DLG4: variants seen among roughly 807,000 people sequenced by gnomAD.
The protein encoded by DLG4 is discs large MAGUK scaffold protein 4, also known as disks large homolog 4.
In DLG4, 7 loss-of-function variants were observed where a neutral mutation model predicts 93.8. That is an observed-to-expected ratio of 0.07 (90% CI 0.04 to 0.14). The LOEUF (loss-of-function observed/expected upper bound fraction) is 0.14. Ranked by LOEUF, DLG4 falls within the 10% of genes least tolerant of loss-of-function variation. DLG4 has a pLI of 1.00. For missense variants in DLG4, 545 were observed against 992.9 expected (o/e 0.55, Z 6.06); for synonymous variants, 341 against 387.6 (o/e 0.88, Z 1.41).
upstream of DLG4, chr17:7,218,781 C>T (rs535530829): frequency 7.3e-5 from 117 of 1,610,688 alleles, no homozygotes; most frequent in Non-Finnish European, 8.9e-5. Context: ...GAGCCCCAGC[C>T]CCCCACTTCG....
At chr17:7,198,889 G>C (rs1006759440) in intron 8 of DLG4, among the ~76,000 whole-genome samples, 4 of 147,026 alleles carry the variant, frequency 2.7e-5, no homozygotes, top group Non-Finnish European at 4.5e-5. Flanking sequence ...GATGGCACTC[G>C]CCTGTAATCC....
In DLG4 at chr17:7,191,073, G is replaced by A. The variant is rs1249126040; in HGVS notation, c.2068+194C>T. Among the ~76,000 whole-genome samples the A allele has an allele frequency of 6.0e-5, 9 of 149,078 alleles. No individual in the cohort carries two copies. The East Asian group carries it at 1.0e-3, about 17-fold the overall frequency. ...CAACCTCTGCCTCCCAGGTTCAAGC[G>A]ATTCTCCTGCCTCGGCCTACCGAGT... On this transcript the variant is annotated intron_variant, in intron 19 of 19. Coordinates refer to ENST00000399506, the MANE Select transcript of DLG4 (RefSeq NM_001321075.3). The surrounding 1 kb of genome is among the most constrained non-coding windows in gnomAD (Gnocchi z 6.6).
rs2070956910 is a variant in DLG4, at chr17:7,217,168, C to T, written c.-21G>A. ...TCCATGTTGGGGGGCCTGGCCGCGGCGGCGGGTAAGGGGCTCTGACTTCAT... is the reference window on the plus strand; with the variant it reads ...TCCATGTTGGGGGGCCTGGCCGCGGTGGCGGGTAAGGGGCTCTGACTTCAT... On this transcript the variant is annotated 5_prime_UTR_variant, in exon 1 of 20. Coordinates refer to ENST00000399506, the MANE Select transcript of DLG4 (RefSeq NM_001321075.3). 10 of 1,285,412 alleles carry T rather than the reference C, an allele frequency of 7.8e-6. No homozygotes were observed. Among genetic ancestry groups the T allele is most frequent in the Admixed American group, 4.1e-5 (1 of 24,528 alleles). The allele number at this position is 1,285,412 out of a possible 1,614,324, so 79.6% of individuals were successfully genotyped here.
chr17:7,202,519 G>A (rs902148434), intron 8 of DLG4, among the ~76,000 whole-genome samples: 6 of 152,162 alleles, frequency 3.9e-5, no homozygotes, highest in Non-Finnish European at 8.8e-5. Context: ...CTATTCAGAA[G>A]CAAAACGGGT....
Position 7,204,081 on chromosome 17 carries a change from A to G in DLG4, c.151-14T>C. 6.2e-7 allele frequency: 1 copy of G among 1,606,856 alleles called. No homozygotes were observed. The highest frequency in any genetic ancestry group is 8.5e-7 in the Non-Finnish European group (1 of 1,176,700). On this transcript the variant is annotated splice_polypyrimidine_tract_variant and intron_variant, in intron 3 of 19. Transcript: ENST00000399506. The stretch of plus-strand genomic sequence containing the variant: ...CACCTGCAACTCCAGCACGGGACAG[A>G]AACACAAAAGCAGTGAGACAGACAT...
chr17:7,219,118 A>C, upstream of DLG4: 1 of 542,196 alleles, frequency 1.8e-6, no homozygotes, highest in Non-Finnish European at 3.3e-6. Flanking sequence ...GCTCAAAAAG[A>C]AGCTGAGCCC....
intron 3 of DLG4, 58 bp downstream of exon 3, chr17:7,204,141 T>C (rs200738074): frequency 4.3e-4 from 689 of 1,600,834 alleles, no homozygotes; most frequent in Middle Eastern, 2.2e-3. Flanking sequence ...TCTGCTGCCC[T>C]CCCTTACTCC....
intron 1 of DLG4, among the ~76,000 whole-genome samples, chr17:7,213,533 G>A (rs912955255): frequency 6.6e-6 from 1 of 151,830 alleles, no homozygotes; most frequent in African/African-American, 2.4e-5. Flanking sequence ...CCACACTCAG[G>A]CCTCAAAAAA....
At position 7,191,705 on chromosome 17, in the gene DLG4, T is replaced by C. The variant is rs966321641; in HGVS notation, c.1976+188A>G. On this transcript the variant is annotated intron_variant, in intron 18 of 19. Transcript: ENST00000399506. This position sits in a 1 kb window ranked among gnomAD's most constrained non-coding sequence, Gnocchi z 6.6. Reference sequence around the variant, plus strand: ...GGCTGCTGGGAAATGTAGTCCTGTCTAGCCAAGGCAGGAGAGGAGGGGAAA... The same window carrying C: ...GGCTGCTGGGAAATGTAGTCCTGTCCAGCCAAGGCAGGAGAGGAGGGGAAA... The C allele has an allele frequency of 1.1e-5, 6 of 569,832 alleles. No homozygotes were observed. The highest frequency in any genetic ancestry group is 1.9e-5 in the Non-Finnish European group (6 of 315,506). 35.3% of individuals were successfully genotyped at this position (569,832 alleles called of 1,614,324 possible). A position where few individuals can be genotyped will look rare whatever the true frequency, so the allele number is the denominator to read the frequency against.
chr17:7,199,806 A>G (rs1465497665), intron 8 of DLG4, among the ~76,000 whole-genome samples: 1 of 151,712 alleles, frequency 6.6e-6, no homozygotes, highest in Non-Finnish European at 1.5e-5. Flanking sequence ...GTGAAACCCC[A>G]TCTCTACTAA....
At position 7,195,142 on chromosome 17, in the gene DLG4, G is replaced by A. The variant is rs1036233653; in HGVS notation, c.1302-647C>T. Among the ~76,000 whole-genome samples the A allele has an allele frequency of 2.6e-4, 39 of 152,140 alleles. No homozygotes were observed. The highest frequency in any genetic ancestry group is 7.9e-4 in the Admixed American group (12 of 15,276). On this transcript the variant is annotated intron_variant, in intron 11 of 19. Coordinates refer to ENST00000399506, the MANE Select transcript of DLG4 (RefSeq NM_001321075.3). This position sits in a 1 kb window ranked among gnomAD's most constrained non-coding sequence, Gnocchi z 4.3. ...ATTCATAAGAAAAAGAAAATGTCCCGTGTTTCCAAATAATGGTTACCCTTA... is the reference window on the plus strand; with the variant it reads ...ATTCATAAGAAAAAGAAAATGTCCCATGTTTCCAAATAATGGTTACCCTTA...
intron 19 of DLG4, 146 bp from the exon 20 acceptor site, chr17:7,190,960 C>T: frequency 1.8e-6 from 1 of 567,782 alleles, no homozygotes; most frequent in Non-Finnish European, 3.0e-6. Context: ...CACAGGGGCA[C>T]CTCTTTTTTT....
Position 7,204,171 on chromosome 17 carries a change from C to A in DLG4, c.150+28G>T, listed in dbSNP as rs766832166. 43 of 1,605,104 alleles carry A rather than the reference C, an allele frequency of 2.7e-5. 1 individual carries two copies. In the South Asian group the frequency reaches 4.2e-4, roughly 16 times the overall value. On this transcript the variant is annotated intron_variant, in intron 3 of 19. Coordinates refer to ENST00000399506, the MANE Select transcript of DLG4 (RefSeq NM_001321075.3). ...TACTCCCTCCTTCCTTCTGCAATGGCCCCAGCCCCAAAATCTAAACAACTC... is the reference window on the plus strand; with the variant it reads ...TACTCCCTCCTTCCTTCTGCAATGGACCCAGCCCCAAAATCTAAACAACTC...
intron 8 of DLG4, chr17:7,202,643 T>C (rs1209017923): frequency 1.9e-6 from 1 of 535,446 alleles, no homozygotes; most frequent in Admixed American, 3.4e-5. Flanking sequence ...GAATTATCTA[T>C]TCCTTGAGAA....
At chr17:7,215,404 C>T (rs1443751031) in intron 1 of DLG4, among the ~76,000 whole-genome samples, 1 of 152,238 alleles carries the variant, frequency 6.6e-6, no homozygotes, top group East Asian at 1.9e-4. Flanking sequence ...CCCTCGCTCC[C>T]ATTTGTGTGT....
At position 7,189,416 on chromosome 17, in the gene DLG4, G is replaced by A. The variant is rs1042413989; in HGVS notation, c.*1292C>T. Reference sequence around the variant, plus strand: ...AGGCAGGAGAATCACTTGAACCAGGGTGGCAGAGATCACAGTGAGCCGAGA... The same window carrying A: ...AGGCAGGAGAATCACTTGAACCAGGATGGCAGAGATCACAGTGAGCCGAGA... On this transcript the variant is annotated 3_prime_UTR_variant, in exon 20 of 20. Transcript: ENST00000399506. Among the ~76,000 whole-genome samples the A allele has an allele frequency of 4.0e-5, 6 of 151,076 alleles. No homozygotes were observed. The highest frequency in any genetic ancestry group is 5.9e-5 in the Non-Finnish European group (4 of 67,842).
chr17:7,218,986 C>T (rs2071063593), upstream of DLG4: 2 of 883,192 alleles, frequency 2.3e-6, no homozygotes, highest in East Asian at 2.6e-5. Context: ...GGTCCCAAGG[C>T]ACCAGCACCG....
In DLG4 at chr17:7,196,697, A is replaced by T; in HGVS notation, c.1083+60T>A. On this transcript the variant is annotated intron_variant, in intron 9 of 19. Transcript: ENST00000399506. The surrounding 1 kb of genome is among the most constrained non-coding windows in gnomAD (Gnocchi z 8.3). ...CAGCCCATCCAGGCCCCTCCCCAAG[A>T]GCTCTGCGCTCTGCCCTGTGGGGAG... 1 of 1,578,618 alleles carries T rather than the reference A, an allele frequency of 6.3e-7. No individual in the cohort carries two copies.
At chr17:7,210,225 A>G (rs1205126001) in intron 1 of DLG4, among the ~76,000 whole-genome samples, 1 of 152,230 alleles carries the variant, frequency 6.6e-6, no homozygotes, top group Non-Finnish European at 1.5e-5. Flanking sequence ...GGCTGAGAAT[A>G]TAACACAACT....
Sources: gnomAD v4.1 joint callset for allele counts (sites outside exome capture counted in the v4.1 genomes callset) on GRCh38, gnomAD v4.1.1 for gene constraint, Gnocchi (gnomAD v3.1) non-coding constraint, MANE v1.5 for transcripts, NCBI Gene and HGNC (gene_info 2026-07-23, HGNC 2026-07-21) for gene names.